EHMT2: variants seen among roughly 807,000 people sequenced by gnomAD.
EHMT2 encodes the protein histone-lysine N-methyltransferase EHMT2.
In EHMT2, 59 loss-of-function variants were observed where a neutral mutation model predicts 143.3. The ratio of observed to expected loss-of-function variants is 0.41; its 90% CI spans 0.33 to 0.51. The LOEUF is 0.51. EHMT2 is among the 20% of genes least tolerant of loss of function. EHMT2 has a pLI of 0.18. For synonymous variants in EHMT2, 604 were observed against 651.5 expected, an observed-to-expected ratio of 0.93 and a Z score of 1.11; for missense variants, 1,174 against 1,645.9, an observed-to-expected ratio of 0.71 and a Z score of 4.96.
rs202177383 is a variant in EHMT2, at chr6:31,892,367, G to C, written c.864+40C>G. 2.2e-4 allele frequency: 356 copies of C among 1,603,452 alleles called. 1 individual carries two copies. Among genetic ancestry groups the C allele is most frequent in the Admixed American group, 8.5e-5 (5 of 58,776 alleles). ...GACTGGACAGTGAGCCCCAGCCCTG[G>C]GGGAGCACCGGCGGGGAGGGCAGAC... On this transcript the variant is annotated intron_variant, in intron 7 of 27. Transcript: ENST00000375537.
At chr6:31,897,154 C>G (rs754484405) in intron 1 of EHMT2, 165 bp from the exon 2 acceptor site, 1 of 1,354,486 alleles carries the variant, frequency 7.4e-7, no homozygotes, top group African/African-American at 1.5e-5. Flanking sequence ...GCCGCACGAC[C>G]CCTCCCCCGG....
Position 31,881,453 on chromosome 6 carries a change from G to A in EHMT2, c.3198-361C>T, listed in dbSNP as rs1764099582. On this transcript the variant is annotated intron_variant, in intron 25 of 27. Transcript: ENST00000375537. The surrounding 1 kb of genome is among the most constrained non-coding windows in gnomAD (Gnocchi z 4.8). ...AGGAGAGGGGCCAGGACTGCAGGAA[G>A]AGCCAGAGGTACAGGAGTGGCAAGG... 2.6e-6 allele frequency: 1 copy of A among 377,534 alleles called. No individual in the cohort carries two copies. The highest frequency in any genetic ancestry group is 5.0e-6 in the Non-Finnish European group (1 of 199,846). 23.4% of individuals were successfully genotyped at this position (377,534 alleles called of 1,614,324 possible).
At position 31,896,838 on chromosome 6, in the gene EHMT2, G is replaced by C. The variant is rs770303377; in HGVS notation, c.110-14C>G. 2 of 1,612,786 alleles carry C rather than the reference G, an allele frequency of 1.2e-6. No homozygotes were observed. The highest frequency in any genetic ancestry group is 1.7e-6 in the Non-Finnish European group (2 of 1,179,974). ...AAGAGCCATGAACTGTAGAGGAAGA[G>C]AAAAAGTTCAGAGCTAAGGGCTCAG... On this transcript the variant is annotated splice_polypyrimidine_tract_variant and intron_variant, in intron 2 of 27. Transcript: ENST00000375537.
intron 1 of EHMT2, chr6:31,897,248 GCCCC>G: frequency 6.6e-6 from 7 of 1,062,656 alleles, no homozygotes; most frequent in Non-Finnish European, 8.4e-6. Flanking sequence ...GGGCCTCCGC[GCCCC>G]GGCCCCGCCC....
intron 1 of EHMT2, chr6:31,897,230 A>C (rs866328596): frequency 5.8e-5 from 68 of 1,180,004 alleles, no homozygotes; most frequent in Admixed American, 9.0e-5. Context: ...GAGGAGGGGG[A>C]GGGGGCGGGG....
At chr6:31,897,288 C>A in intron 1 of EHMT2, 1 of 720,212 alleles carries the variant, frequency 1.4e-6, no homozygotes, top group Non-Finnish European at 1.9e-6. Flanking sequence ...ACGCGCCGCT[C>A]CCCCTTTGTC....
rs1254728918 is a variant in EHMT2 at position 31,880,303 on chromosome 6, A to T, written c.3453-39T>A. On this transcript the variant is annotated intron_variant, in intron 27 of 27. Coordinates refer to ENST00000375537, the Ensembl canonical transcript of EHMT2. The surrounding 1 kb of genome is among the most constrained non-coding windows in gnomAD (Gnocchi z 6.6). Reference sequence around the variant, plus strand: ...ACAGGAGCTTGTGGGACCTGGACCCAGCCACCAAGAGCCCACCCCGAAGAC... The same window carrying T: ...ACAGGAGCTTGTGGGACCTGGACCCTGCCACCAAGAGCCCACCCCGAAGAC... 6.3e-7 allele frequency: 1 copy of T among 1,591,144 alleles called. No homozygotes were observed. Among genetic ancestry groups the T allele is most frequent in the Non-Finnish European group, 8.6e-7 (1 of 1,164,408 alleles).
At chr6:31,885,148 T>A in intron 18 of EHMT2, 132 bp from the exon 19 acceptor site, 1 of 1,241,824 alleles carries the variant, frequency 8.1e-7, no homozygotes, top group Non-Finnish European at 1.1e-6. Context: ...GTAAGTCACT[T>A]AACGTCTCTG....
Position 31,882,958 on chromosome 6 carries a change from C to A in EHMT2, c.3046G>T (p.Glu1016Ter), listed in dbSNP as rs1179580153. The A allele has an allele frequency of 6.2e-7, 1 of 1,612,930 alleles. No individual in the cohort carries two copies. Among genetic ancestry groups the A allele is most frequent in the Non-Finnish European group, 8.5e-7 (1 of 1,179,994 alleles). ...CAGCATGAGCACGCCTGGTTACACTCGAAAATCAGCGGAGGCTCAATCTTG... is the reference window on the plus strand; with the variant it reads ...CAGCATGAGCACGCCTGGTTACACTAGAAAATCAGCGGAGGCTCAATCTTG... The change falls in exon 24 of 28, where the codon GAG (glutamate) becomes TAG (stop). Residue 1016 changes from glutamate to a stop codon, truncating the protein, a stop_gained. Coordinates refer to ENST00000375537, the Ensembl canonical transcript of EHMT2. LOFTEE classifies it high-confidence loss of function.
In EHMT2 at chr6:31,883,138, G is replaced by A. The variant is rs540104378; in HGVS notation, c.2995-129C>T. On this transcript the variant is annotated intron_variant, in intron 23 of 27. Transcript: ENST00000375537. The surrounding 1 kb of genome is among the most constrained non-coding windows in gnomAD (Gnocchi z 5.6). ...AGGTCACACAGGCTCTGAGATCCGA[G>A]AGCACGAAATGCAGGAGCATCATCC... The A allele has an allele frequency of 7.4e-5, 68 of 919,154 alleles. No homozygotes were observed. In the East Asian group the frequency reaches 1.6e-3, roughly 22 times the overall value. The allele number at this position is 919,154 out of a possible 1,614,324, so 56.9% of individuals were successfully genotyped here.
At position 31,883,478 on chromosome 6, in the gene EHMT2, C is replaced by G. The variant is rs766215001; in HGVS notation, c.2917-39G>C. ...GCAGAGGTCAGCTCAACCCCATGATCGGTCTGGGCCCCTCTACTCTTGATG... is the reference window on the plus strand; with the variant it reads ...GCAGAGGTCAGCTCAACCCCATGATGGGTCTGGGCCCCTCTACTCTTGATG... On this transcript the variant is annotated intron_variant, in intron 22 of 27. Coordinates refer to ENST00000375537, the Ensembl canonical transcript of EHMT2. The surrounding 1 kb of genome is among the most constrained non-coding windows in gnomAD (Gnocchi z 5.6). The G allele has an allele frequency of 2.5e-6, 4 of 1,585,908 alleles. No homozygotes were observed. The highest frequency in any genetic ancestry group is 2.3e-5 in the South Asian group (2 of 88,424).
Position 31,881,657 on chromosome 6 carries a change from AT to A in EHMT2, c.3198-566del. 1 of 166,928 alleles carries A rather than the reference AT, an allele frequency of 6.0e-6. No individual in the cohort carries two copies. Among genetic ancestry groups the A allele is most frequent in the East Asian group, 1.6e-4 (1 of 6,304 alleles). The allele number at this position is 166,928 out of a possible 1,614,324, so 10.3% of individuals were successfully genotyped here. Reference sequence around the variant, plus strand: ...AGCAGAGTGGGAAGGGCAAAGGCCGATTTTGGCAGGGACAGGCAGTGAGTGG... The same window carrying A: ...AGCAGAGTGGGAAGGGCAAAGGCCGATTTGGCAGGGACAGGCAGTGAGTGG... On this transcript the variant is annotated intron_variant, in intron 25 of 27. Coordinates refer to ENST00000375537, the Ensembl canonical transcript of EHMT2. This position sits in a 1 kb window ranked among gnomAD's most constrained non-coding sequence, Gnocchi z 4.8.
chr6:31,889,312 T>C lies in EHMT2; in HGVS notation c.1030A>G (p.Lys344Glu). The change falls in exon 9 of 28, where the codon AAG (lysine) becomes GAG (glutamate). Residue 344 changes from lysine (K) to glutamate (E), a missense_variant. Physicochemically the swap from Lys to Glu is moderately conservative, Grantham distance 56. Coordinates refer to ENST00000375537, the Ensembl canonical transcript of EHMT2. The surrounding 1 kb of genome is among the most constrained non-coding windows in gnomAD (Gnocchi z 5.1). The stretch of plus-strand genomic sequence containing the variant: ...CATGGGCTGTCTTTTCGCCATTTCT[T>C]CTTGGCCTTGCGCCGGCCACTGGAA... The C allele has an allele frequency of 6.2e-7, 1 of 1,612,312 alleles. No individual in the cohort carries two copies. Among genetic ancestry groups the C allele is most frequent in the Non-Finnish European group, 8.5e-7 (1 of 1,179,988 alleles).
In EHMT2 at chr6:31,888,738, T is replaced by C. The variant is rs1287990395; in HGVS notation, c.1226A>G (p.Asn409Ser). The change falls in exon 11 of 28, where the codon AAT (asparagine) becomes AGT (serine). Residue 409 changes from asparagine to serine, a missense_variant. This residue lies in a region of EHMT2 where 608 missense variants were observed against 903.7 expected (regional missense o/e 0.67). Transcript: ENST00000375537. The surrounding 1 kb of genome is among the most constrained non-coding windows in gnomAD (Gnocchi z 7.4). ...CTCTGTCTCCAGCGAAGATGTGTCA[T>C]TGGACACCCCTTGGATGGAGGAAAA... is the stretch of plus-strand genomic sequence containing the variant. The C allele has an allele frequency of 6.2e-7, 1 of 1,613,122 alleles. No homozygotes were observed. The highest frequency in any genetic ancestry group is 2.2e-5 in the East Asian group (1 of 44,862).
chr6:31,894,434 AC>A (rs1739345551), intron 4 of EHMT2, among the ~76,000 whole-genome samples: 1 of 150,546 alleles, frequency 6.6e-6, no homozygotes, highest in Non-Finnish European at 1.5e-5. Flanking sequence ...TGCGTGAGGC[AC>A]CCCGCCTGGC....
In EHMT2 at chr6:31,889,719, A is replaced by G. The variant is rs2151633994; in HGVS notation, c.865-117T>C. On this transcript the variant is annotated intron_variant, in intron 7 of 27. Coordinates refer to ENST00000375537, the Ensembl canonical transcript of EHMT2. The surrounding 1 kb of genome is among the most constrained non-coding windows in gnomAD (Gnocchi z 5.1). Reference sequence around the variant, plus strand: ...CTACCCACGGATGGCTGCTGGGGATAAGTGTGGGTAGCAGAGGAGACAAAG... The same window carrying G: ...CTACCCACGGATGGCTGCTGGGGATGAGTGTGGGTAGCAGAGGAGACAAAG... 1 of 1,313,410 alleles carries G rather than the reference A, an allele frequency of 7.6e-7. No homozygotes were observed. The highest frequency in any genetic ancestry group is 1.1e-6 in the Non-Finnish European group (1 of 931,826). 81.4% of individuals were successfully genotyped at this position (1,313,410 alleles called of 1,614,324 possible).
At chr6:31,897,116 C>G (rs745928314) in intron 1 of EHMT2, 127 bp from the exon 2 acceptor site, 22 of 1,416,214 alleles carry the variant, frequency 1.6e-5, no homozygotes, top group Admixed American at 3.0e-5. Context: ...GGGGCCCCCC[C>G]CTTCCGCGGC....
intron 18 of EHMT2, chr6:31,886,303 A>G (rs1165783486): frequency 4.1e-6 from 2 of 490,230 alleles, no homozygotes; most frequent in Non-Finnish European, 7.2e-6. Context: ...ATAAATGACT[A>G]AAACACATCC....
At chr6:31,879,816 C>A (rs772985988) in exon 28 of EHMT2, 1 of 515,732 alleles carries the variant, frequency 1.9e-6, no homozygotes, top group Non-Finnish European at 3.5e-6. Flanking sequence ...CATAGAGGCC[C>A]GACTTCAATT....
Sources: gnomAD v4.1 joint callset for allele counts (sites outside exome capture counted in the v4.1 genomes callset) on GRCh38, gnomAD v4.1.1 for gene constraint, gnomAD v4.1.1 regional missense constraint, Gnocchi (gnomAD v3.1) non-coding constraint, MANE v1.5 for transcripts, NCBI Gene and HGNC (gene_info 2026-07-23, HGNC 2026-07-21) for gene names.